LHFPL3: variants seen among roughly 807,000 people sequenced by gnomAD.
LHFPL3 encodes the protein LHFPL tetraspan subfamily member 3 protein.
In LHFPL3, 5 loss-of-function variants were observed where a neutral mutation model predicts 19.3. The observed-to-expected ratio is 0.26, with a 90% CI of 0.14 to 0.54. LHFPL3 has a LOEUF of 0.54. Among genes scored for constraint, LHFPL3 ranks in the 20% least tolerant of loss-of-function variants. LHFPL3 has a pLI of 0.94. For missense variants in LHFPL3, 249 were observed against 307.4 expected, an observed-to-expected ratio of 0.81 and a Z score of 1.42; for synonymous variants, 133 against 126.2, an observed-to-expected ratio of 1.05 and a Z score of -0.36.
intron 1 of LHFPL3, among the ~76,000 whole-genome samples, chr7:104,456,747 C>T (rs1373830693): frequency 3.3e-5 from 5 of 152,122 alleles, no homozygotes; most frequent in African/African-American, 9.7e-5. Flanking sequence ...CACTATGATA[C>T]TGTGATAGTC....
intron 1 of LHFPL3, among the ~76,000 whole-genome samples, chr7:104,555,623 C>G (rs778738409): frequency 6.6e-6 from 1 of 152,196 alleles, no homozygotes; most frequent in Admixed American, 6.5e-5. Flanking sequence ...AGTTACAATT[C>G]AAGATGAGAT....
chr7:104,394,781 C>A (rs1397999169), intron 1 of LHFPL3, among the ~76,000 whole-genome samples: 1 of 151,654 alleles, frequency 6.6e-6, no homozygotes, highest in South Asian at 2.1e-4. Context: ...GCTGATTGCA[C>A]CCTCCACCTC....
chr7:104,745,064 T>C (rs923496974), intron 2 of LHFPL3, among the ~76,000 whole-genome samples: 5 of 152,214 alleles, frequency 3.3e-5, no homozygotes, highest in Non-Finnish European at 7.3e-5. Flanking sequence ...AATTAGCTTC[T>C]CAAACTTAGT....
chr7:104,379,876 T>C (rs1790794281), intron 1 of LHFPL3, among the ~76,000 whole-genome samples: 1 of 152,214 alleles, frequency 6.6e-6, no homozygotes, highest in Admixed American at 6.5e-5. Flanking sequence ...AACTTGTGCT[T>C]ATCATGGTTA....
intron 1 of LHFPL3, among the ~76,000 whole-genome samples, chr7:104,337,395 G>T (rs932379450): frequency 1.3e-5 from 2 of 152,138 alleles, no homozygotes; most frequent in Non-Finnish European, 2.9e-5. Flanking sequence ...AGGACAAGCA[G>T]AGAGCTAGAA....
chr7:104,345,866 G>GA (rs1584602510), intron 1 of LHFPL3, among the ~76,000 whole-genome samples: 1 of 152,042 alleles, frequency 6.6e-6, no homozygotes, highest in African/African-American at 2.4e-5. Context: ...AAAAAGATGA[G>GA]AAAAAACTCT....
intron 1 of LHFPL3, among the ~76,000 whole-genome samples, chr7:104,641,744 C>T (rs1791840101): frequency 6.6e-6 from 1 of 152,082 alleles, no homozygotes; most frequent in Non-Finnish European, 1.5e-5. Flanking sequence ...TAGAAAGTCC[C>T]CAGTTAAAAT....
rs533387527 is a variant in LHFPL3, at chr7:104,845,339, A to G, written c.683-60848A>G. On this transcript the variant is annotated intron_variant, in intron 2 of 2. Coordinates refer to ENST00000424859, the MANE Select transcript of LHFPL3 (RefSeq NM_199000.3). ...TTTAAAAAATGAAGTGTGAGCTCTT[A>G]TTTTACCTTTAACCGTTCTGTTTTT... 3.6e-4 allele frequency: 413 copies of G among 1,146,076 alleles called. 7 individuals carry two copies. The South Asian group carries it at 4.5e-3, about 12-fold the overall frequency. 71.0% of individuals were successfully genotyped at this position (1,146,076 alleles called of 1,614,324 possible). A position where few individuals can be genotyped will look rare whatever the true frequency, so the allele number is the denominator to read the frequency against.
At chr7:104,882,350 C>T (rs764137384) in intron 2 of LHFPL3, among the ~76,000 whole-genome samples, 3 of 152,128 alleles carry the variant, frequency 2.0e-5, no homozygotes, top group Non-Finnish European at 4.4e-5. Flanking sequence ...CAGGTTCCAG[C>T]GATTCTCCCG....
At chr7:104,452,924 T>C (rs1584329493) in intron 1 of LHFPL3, among the ~76,000 whole-genome samples, 1 of 152,180 alleles carries the variant, frequency 6.6e-6, no homozygotes, top group East Asian at 1.9e-4. Context: ...CATTGGTGTC[T>C]GATGTCAGAA....
chr7:104,507,763 A>T (rs1793728121), intron 1 of LHFPL3, among the ~76,000 whole-genome samples: 1 of 135,244 alleles, frequency 7.4e-6, no homozygotes, highest in Non-Finnish European at 1.6e-5. Flanking sequence ...AATTTACAAG[A>T]AAAAAACAAA....
chr7:104,672,058 A>AGTGTGTGTGT (rs71155518), intron 1 of LHFPL3, among the ~76,000 whole-genome samples: 7 of 148,800 alleles, frequency 4.7e-5, no homozygotes, highest in Non-Finnish European at 7.4e-5. Context: ...TTAACTTCCA[A>AGTGTGTGTGT]GTGTGTGTGT....
chr7:104,812,128 T>G, intron 2 of LHFPL3, among the ~76,000 whole-genome samples: 1 of 152,238 alleles, frequency 6.6e-6, no homozygotes, highest in Admixed American at 6.5e-5. Context: ...GCTGTCTTAC[T>G]TGGAAAGTGA....
At chr7:104,687,493 C>G (rs1210399512) in intron 1 of LHFPL3, among the ~76,000 whole-genome samples, 1 of 152,232 alleles carries the variant, frequency 6.6e-6, no homozygotes, top group African/African-American at 2.4e-5. Flanking sequence ...AGTTCCAACT[C>G]TCTAATCATG....
intron 1 of LHFPL3, among the ~76,000 whole-genome samples, chr7:104,709,191 T>A (rs1215626700): frequency 6.6e-6 from 1 of 151,964 alleles, no homozygotes; most frequent in Non-Finnish European, 1.5e-5. Context: ...TATCATAATT[T>A]TATTATCCAC....
chr7:104,418,394 TG>T (rs2116527572), intron 1 of LHFPL3, among the ~76,000 whole-genome samples: 1 of 152,114 alleles, frequency 6.6e-6, no homozygotes. Context: ...TAGCCAGATG[TG>T]GTAGTGTGCA....
At chr7:104,660,056 T>C (rs1792196623) in intron 1 of LHFPL3, among the ~76,000 whole-genome samples, 2 of 150,462 alleles carry the variant, frequency 1.3e-5, no homozygotes, top group South Asian at 2.1e-4. Context: ...GGCTGGAGTA[T>C]AGTGGTGTGA....
At chr7:104,858,716 C>A (rs116750211) in intron 2 of LHFPL3, among the ~76,000 whole-genome samples, 1,647 of 152,292 alleles carry the variant, frequency 0.011, 36 homozygotes, top group African/African-American at 0.038. Flanking sequence ...CTGTATCTGT[C>A]ATTTTTCTGT....
rs142343470 is a variant in LHFPL3 at position 104,828,423 on chromosome 7, G to A, written c.683-77764G>A. Among the ~76,000 whole-genome samples the A allele has an allele frequency of 4.5e-3, 682 of 152,092 alleles. 4 individuals are homozygous for A. Among genetic ancestry groups the A allele is most frequent in the Non-Finnish European group, 5.7e-3 (389 of 68,024 alleles). On this transcript the variant is annotated intron_variant, in intron 2 of 2. Coordinates refer to ENST00000424859, the MANE Select transcript of LHFPL3 (RefSeq NM_199000.3). Reference sequence around the variant, plus strand: ...AAGGAGAGAACTCCTGCCCCAGCAGGTAGTGAACTCAGTAACTCAAATCCA... The same window carrying A: ...AAGGAGAGAACTCCTGCCCCAGCAGATAGTGAACTCAGTAACTCAAATCCA...
Sources: gnomAD v4.1 joint callset for allele counts (sites outside exome capture counted in the v4.1 genomes callset) on GRCh38, gnomAD v4.1.1 for gene constraint, MANE v1.5 for transcripts, NCBI Gene and HGNC (gene_info 2026-07-23, HGNC 2026-07-21) for gene names.